TDRD1: variants seen among roughly 807,000 people sequenced by gnomAD.
TDRD1 encodes tudor domain-containing protein 1.
A neutral mutation model predicts 140.6 loss-of-function variants in TDRD1; 37 were observed. The ratio of observed to expected loss-of-function variants is 0.26; its 90% CI spans 0.20 to 0.35. The LOEUF is 0.35. Ranked by LOEUF, TDRD1 falls within the 10% of genes least tolerant of loss-of-function variation. TDRD1 has a pLI of 1.00. For synonymous variants in TDRD1, 506 were observed against 475.7 expected, an observed-to-expected ratio of 1.06 and a Z score of -0.83; for missense variants, 1,243 against 1,393.0, an observed-to-expected ratio of 0.89 and a Z score of 1.71.
intron 22 of TDRD1, 23 bp downstream of exon 22, chr10:114,226,239 A>C (rs1407660857): frequency 1.3e-6 from 2 of 1,568,012 alleles, no homozygotes; most frequent in East Asian, 2.3e-5. Context: ...GTCACTTTCC[A>C]ATTTAGGTTT....
chr10:114,230,052 C>T (rs928881235), intron 25 of TDRD1, among the ~76,000 whole-genome samples: 9 of 151,996 alleles, frequency 5.9e-5, no homozygotes, highest in Admixed American at 6.6e-5. Context: ...AGGATGGTCT[C>T]GATCTCCTGA....
chr10:114,202,377 T>C, intron 6 of TDRD1, 79 bp downstream of exon 6: 1 of 1,003,138 alleles, frequency 1.0e-6, no homozygotes, highest in Non-Finnish European at 1.4e-6. Flanking sequence ...TTTAGGCTTA[T>C]TTCTGTATTT....
chr10:114,199,731 A>C (rs576896769), intron 4 of TDRD1, among the ~76,000 whole-genome samples: 1 of 152,368 alleles, frequency 6.6e-6, no homozygotes, highest in African/African-American at 2.4e-5. Context: ...ACTCTTTTGT[A>C]TCAAGCTTAT....
intron 14 of TDRD1, among the ~76,000 whole-genome samples, chr10:114,212,332 C>T (rs2133073729): frequency 6.6e-6 from 1 of 152,208 alleles, no homozygotes; most frequent in East Asian, 1.9e-4. Context: ...AGTTATATCC[C>T]AAAATACTTC....
intron 1 of TDRD1, among the ~76,000 whole-genome samples, chr10:114,180,593 G>A (rs966352241): frequency 2.0e-5 from 3 of 152,172 alleles, no homozygotes; most frequent in Non-Finnish European, 2.9e-5. Context: ...AGCCTTCCTA[G>A]TAGCTGGGAT....
At chr10:114,210,693 G>C (rs764294155) in exon 12 of TDRD1, 5 of 1,612,918 alleles carry the variant, frequency 3.1e-6, no homozygotes, top group Non-Finnish European at 3.4e-6. Context: ...TTTGTGGTGT[G>C]GTTGCCCACA....
chr10:114,206,425 T>C, intron 11 of TDRD1, 95 bp downstream of exon 11: 1 of 871,730 alleles, frequency 1.1e-6, no homozygotes, highest in Non-Finnish European at 1.8e-6. Flanking sequence ...CTGTTAAGAC[T>C]TGTTAACGAT....
intron 22 of TDRD1, among the ~76,000 whole-genome samples, 173 bp downstream of exon 22, chr10:114,226,389 C>T (rs188978775): frequency 2.0e-3 from 304 of 152,104 alleles, no homozygotes; most frequent in African/African-American, 4.4e-3. Flanking sequence ...ATCGAATTCT[C>T]ACAAAAACTG....
upstream of TDRD1, among the ~76,000 whole-genome samples, chr10:114,175,403 C>G (rs1002766738): frequency 1.3e-5 from 2 of 151,792 alleles, no homozygotes; most frequent in Admixed American, 6.6e-5. Flanking sequence ...AAATATAAAC[C>G]AAAGACATTA....
At chr10:114,204,649 T>C in intron 9 of TDRD1, 73 bp from the exon 10 acceptor site, 1 of 1,412,386 alleles carries the variant, frequency 7.1e-7, no homozygotes, top group Non-Finnish European at 9.5e-7. Flanking sequence ...ATACATTCTT[T>C]TATATACAAA....
intron 4 of TDRD1, 68 bp downstream of exon 4, chr10:114,199,385 A>G (rs531181264): frequency 6.5e-7 from 1 of 1,538,782 alleles, no homozygotes; most frequent in Admixed American, 2.1e-5. Flanking sequence ...TTATTGTGGC[A>G]GATGATGAAA....
At chr10:114,195,661 G>C (rs1055408183) in intron 3 of TDRD1, among the ~76,000 whole-genome samples, 1 of 151,582 alleles carries the variant, frequency 6.6e-6, no homozygotes, top group Non-Finnish European at 1.5e-5. Context: ...TTTTACTTTC[G>C]GTCTCTCTAT....
chr10:114,210,937 A>C, exon 13 of TDRD1: 2 of 1,614,102 alleles, frequency 1.2e-6, no homozygotes, highest in South Asian at 2.2e-5. Context: ...TTATCCAGCC[A>C]TTGGTGATAT....
At chr10:114,204,857 G>A (rs200384198) in exon 10 of TDRD1, 3 of 1,595,168 alleles carry the variant, frequency 1.9e-6, no homozygotes, top group Non-Finnish European at 2.6e-6. Context: ...AGAGGAAGTG[G>A]TTACCTTTGC....
chr10:114,226,500 A>C (rs1336345676), intron 22 of TDRD1, among the ~76,000 whole-genome samples: 2 of 152,300 alleles, frequency 1.3e-5, no homozygotes, highest in African/African-American at 4.8e-5. Context: ...CAAGGCCAGG[A>C]TGTGAAACAG....
intron 1 of TDRD1, chr10:114,179,718 G>T (rs1028528601): frequency 7.2e-5 from 11 of 152,148 alleles, no homozygotes; most frequent in Admixed American, 6.5e-4. Flanking sequence ...TAAAAATTAC[G>T]ATACAAACAA....
intron 11 of TDRD1, 27 bp downstream of exon 11, chr10:114,206,357 A>G (rs1283691759): frequency 6.3e-7 from 1 of 1,582,728 alleles, no homozygotes; most frequent in African/African-American, 1.3e-5. Flanking sequence ...ATTGAACGGT[A>G]TAGCGACTTC....
intron 3 of TDRD1, 141 bp from the exon 4 acceptor site, chr10:114,199,032 G>T: frequency 1.1e-6 from 1 of 945,928 alleles, no homozygotes; most frequent in South Asian, 1.8e-5. Flanking sequence ...TTATATATAA[G>T]TTCAGGGTTT....
intron 11 of TDRD1, among the ~76,000 whole-genome samples, chr10:114,209,247 G>C (rs1290410638): frequency 6.6e-6 from 1 of 152,134 alleles, no homozygotes; most frequent in Non-Finnish European, 1.5e-5. Context: ...ATAACTCATG[G>C]AGGATCTTAT....
Sources: allele counts gnomAD v4.1 joint callset (sites outside exome capture counted in the v4.1 genomes callset), GRCh38; gene constraint gnomAD v4.1.1; transcripts MANE v1.5; gene names NCBI Gene and HGNC (gene_info 2026-07-23, HGNC 2026-07-21).